Variants in EFCAB13 observed in about 807,000 individuals in gnomAD.
The protein encoded by EFCAB13 is EF-hand calcium-binding domain-containing protein 13.
Under a neutral mutation model 110.2 loss-of-function variants are expected in EFCAB13, and 91 were observed. That is an observed-to-expected ratio of 0.83 (90% confidence interval 0.70 to 0.98). The LOEUF is 0.98. Among genes scored for constraint, EFCAB13 ranks in the 50% least tolerant of loss-of-function variants. The pLI, the probability that EFCAB13 is intolerant of heterozygous loss-of-function variation, is 0.00. For missense variants in EFCAB13, 968 were observed against 1,119.4 expected (o/e 0.86, Z 1.93); for synonymous variants, 323 against 369.9 (o/e 0.87, Z 1.45).
At chr17:47,380,083 T>C (rs1250488655) in intron 14 of EFCAB13, among the ~76,000 whole-genome samples, 1 of 151,208 alleles carries the variant, frequency 6.6e-6, no homozygotes, top group Non-Finnish European at 1.5e-5. Context: ...TGTAAGCAAA[T>C]AGACTATTTT....
At chr17:47,324,798 C>G (rs1276472516) in intron 2 of EFCAB13, among the ~76,000 whole-genome samples, 1 of 151,260 alleles carries the variant, frequency 6.6e-6, no homozygotes, top group African/African-American at 2.4e-5. Context: ...CCTCACAGCC[C>G]CATTTTCCTC....
chr17:47,407,343 G>A (rs962454804), intron 20 of EFCAB13, among the ~76,000 whole-genome samples: 1 of 152,290 alleles, frequency 6.6e-6, no homozygotes. Context: ...AACTATTGAA[G>A]TAGAGTTATA....
In EFCAB13 at chr17:47,424,874, CTTTTTTTTT is replaced by C. The variant is rs548271723; in HGVS notation, c.2495-4926_2495-4918del. The stretch of plus-strand genomic sequence containing the variant: ...AGGATTTCTTTCTCCGGTTGACAAT[CTTTTTTTTT>C]TTTTTTTTTTTTTTTTTGAGACGGA... On this transcript the variant is annotated intron_variant, in intron 23 of 24. Transcript: ENST00000331493. 1.7e-3 allele frequency among the ~76,000 whole-genome samples: 63 copies of C among 36,896 alleles called. 3 individuals carry two copies. Among genetic ancestry groups the C allele is most frequent in the African/African-American group, 6.4e-3 (52 of 8,112 alleles). 24.2% of individuals were successfully genotyped at this position (36,896 alleles called of 152,430 possible). A position where few individuals can be genotyped will look rare whatever the true frequency, so the allele number is the denominator to read the frequency against.
intron 4 of EFCAB13, among the ~76,000 whole-genome samples, chr17:47,329,201 T>C (rs2065305588): frequency 6.6e-6 from 1 of 151,960 alleles, no homozygotes; most frequent in South Asian, 2.1e-4. Context: ...TCTGGCATTG[T>C]CATAAGTAAA....
At position 47,428,488 on chromosome 17, in the gene EFCAB13, A is replaced by G. The variant is rs141849491; in HGVS notation, c.2495-1330A>G. On this transcript the variant is annotated intron_variant, in intron 23 of 24. Coordinates refer to ENST00000331493, the MANE Select transcript of EFCAB13 (RefSeq NM_152347.5). ...GTAAGTCTCTAACATAGTGCTTATC[A>G]TGTTATCATAACAAAGTTACTGTAA... Among the ~76,000 whole-genome samples the G allele has an allele frequency of 7.9e-5, 12 of 152,174 alleles. No individual in the cohort carries two copies. In the East Asian group the frequency reaches 2.3e-3, roughly 29 times the overall value.
chr17:47,343,900 C>T (rs938883907), intron 6 of EFCAB13, among the ~76,000 whole-genome samples: 1 of 152,014 alleles, frequency 6.6e-6, no homozygotes, highest in African/African-American at 2.4e-5. Flanking sequence ...AAACCCATTA[C>T]TATATAGTTA....
intron 23 of EFCAB13, among the ~76,000 whole-genome samples, chr17:47,429,222 A>G (rs1469299245): frequency 2.0e-5 from 3 of 152,212 alleles, no homozygotes; most frequent in Non-Finnish European, 1.5e-5. Context: ...AATTTCTTAG[A>G]AAACAATTAT....
At chr17:47,325,271 C>A (rs1261902480) in intron 2 of EFCAB13, among the ~76,000 whole-genome samples, 1 of 151,576 alleles carries the variant, frequency 6.6e-6, no homozygotes, top group African/African-American at 2.4e-5. Context: ...TGCTTAGACC[C>A]CCACCCCCGC....
At chr17:47,392,454 G>T (rs1248901558) in intron 15 of EFCAB13, among the ~76,000 whole-genome samples, 1 of 152,030 alleles carries the variant, frequency 6.6e-6, no homozygotes, top group Non-Finnish European at 1.5e-5. Flanking sequence ...ATATGTGTGT[G>T]TTGGGGGGTG....
At chr17:47,379,331 G>C (rs1466977606) in intron 14 of EFCAB13, 78 bp downstream of exon 14, 9 of 1,177,312 alleles carry the variant, frequency 7.6e-6, no homozygotes, top group Non-Finnish European at 1.1e-5. Context: ...ACAGAACTGG[G>C]CTTGCTTTTG....
intron 11 of EFCAB13, among the ~76,000 whole-genome samples, chr17:47,373,285 T>C (rs1406975683): frequency 6.6e-6 from 1 of 152,218 alleles, no homozygotes; most frequent in African/African-American, 2.4e-5. Context: ...TTTTGTGTAA[T>C]TTCAGTGTCT....
At chr17:47,380,088 T>G (rs937238978) in intron 14 of EFCAB13, among the ~76,000 whole-genome samples, 1 of 150,534 alleles carries the variant, frequency 6.6e-6, no homozygotes, top group African/African-American at 2.4e-5. Flanking sequence ...GCAAATAGAC[T>G]ATTTTATTAT....
chr17:47,375,117 CAG>C, intron 12 of EFCAB13, 151 bp downstream of exon 12: 3 of 975,288 alleles, frequency 3.1e-6, no homozygotes, highest in Non-Finnish European at 4.1e-6. Flanking sequence ...TTTATAGAGA[CAG>C]GGTTACCCAG....
At chr17:47,396,232 A>T in intron 17 of EFCAB13, among the ~76,000 whole-genome samples, 1 of 149,750 alleles carries the variant, frequency 6.7e-6, no homozygotes, top group East Asian at 1.9e-4. Flanking sequence ...GTTGTGTGGT[A>T]TGTTACTGGA....
In EFCAB13 at chr17:47,345,001, CTG is replaced by C; in HGVS notation, c.435-13_435-12del. Reference sequence around the variant, plus strand: ...TTTTCATTGCCACTTTCTAATATGGCTGTTTCTTTGACAGGGAAAAGGAAATG... The same window carrying C: ...TTTTCATTGCCACTTTCTAATATGGCTTTCTTTGACAGGGAAAAGGAAATG... On this transcript the variant is annotated splice_polypyrimidine_tract_variant and intron_variant, in intron 7 of 24. Transcript: ENST00000331493. 1 of 1,589,542 alleles carries C rather than the reference CTG, an allele frequency of 6.3e-7. No homozygotes were observed. The highest frequency in any genetic ancestry group is 8.6e-7 in the Non-Finnish European group (1 of 1,164,588).
At chr17:47,384,993 G>A (rs1156414811) in intron 14 of EFCAB13, among the ~76,000 whole-genome samples, 1 of 152,152 alleles carries the variant, frequency 6.6e-6, no homozygotes, top group South Asian at 2.1e-4. Flanking sequence ...GGATGGTCTC[G>A]ATCTCCTGAC....
chr17:47,344,660 A>G (rs1426715348), intron 7 of EFCAB13, among the ~76,000 whole-genome samples: 1 of 152,144 alleles, frequency 6.6e-6, no homozygotes, highest in Non-Finnish European at 1.5e-5. Flanking sequence ...CTGATAGGTG[A>G]TGGAATCTGA....
At chr17:47,413,731 AT>A (rs143305829) in intron 22 of EFCAB13, among the ~76,000 whole-genome samples, 6 of 150,440 alleles carry the variant, frequency 4.0e-5, no homozygotes, top group Admixed American at 6.6e-5. Flanking sequence ...CTCACAAGAG[AT>A]TTTTTTTTTC....
intron 23 of EFCAB13, among the ~76,000 whole-genome samples, chr17:47,428,490 G>A (rs75331046): frequency 0.023 from 3,445 of 152,024 alleles, 112 homozygotes; most frequent in East Asian, 0.18. Context: ...TGCTTATCAT[G>A]TTATCATAAC....
Sources: gnomAD v4.1 joint callset for allele counts (sites outside exome capture counted in the v4.1 genomes callset) on GRCh38, gnomAD v4.1.1 for gene constraint, MANE v1.5 for transcripts, NCBI Gene and HGNC (gene_info 2026-07-23, HGNC 2026-07-21) for gene names.